The following CEP112 variants were observed in gnomAD, a reference collection of about 807,000 sequenced individuals.
CEP112 encodes centrosomal protein 112.
A neutral mutation model predicts 153.0 loss-of-function variants in CEP112; 127 were observed. The ratio of observed to expected loss-of-function variants is 0.83; its 90% CI spans 0.72 to 0.96. CEP112 has a LOEUF of 0.96. Ranked by LOEUF, CEP112 falls within the 40% of genes least tolerant of loss-of-function variation. CEP112 has a pLI of 0.00. For missense variants in CEP112, 1,089 were observed against 1,101.2 expected, an observed-to-expected ratio of 0.99 and a Z score of 0.16; for synonymous variants, 358 against 374.4, an observed-to-expected ratio of 0.96 and a Z score of 0.51.
intron 23 of CEP112, among the ~76,000 whole-genome samples, chr17:65,699,548 G>A (rs2048519776): frequency 6.6e-6 from 1 of 152,024 alleles, no homozygotes; most frequent in Admixed American, 6.6e-5. Flanking sequence ...CTTTTGCTAA[G>A]TCCCTTCTCA....
intron 16 of CEP112, among the ~76,000 whole-genome samples, chr17:66,024,459 G>A (rs112733498): frequency 6.6e-6 from 1 of 151,966 alleles, no homozygotes; most frequent in African/African-American, 2.4e-5. Context: ...TATTAAAACT[G>A]AATTCAGTAA....
chr17:66,112,913 T>A (rs1424231196), intron 6 of CEP112, among the ~76,000 whole-genome samples: 2 of 151,888 alleles, frequency 1.3e-5, no homozygotes, highest in Non-Finnish European at 2.9e-5. Flanking sequence ...GTCATTGCAC[T>A]CCAGCCTGGG....
At chr17:65,743,328 A>C in intron 22 of CEP112, 111 bp from the exon 23 acceptor site, 1 of 785,670 alleles carries the variant, frequency 1.3e-6, no homozygotes, top group Admixed American at 2.7e-5. Flanking sequence ...TATTCCACAA[A>C]TTAAATATTT....
rs55652336 is a variant in CEP112 at position 65,956,409 on chromosome 17, TACAC to T, written c.1872+5050_1872+5053del. ...ATTATGATATATATACATACATACA[TACAC>T]ACACACACACACACACACACACCAT... On this transcript the variant is annotated intron_variant, in intron 18 of 26. Transcript: ENST00000535342. Among the ~76,000 whole-genome samples, 301 of 146,720 alleles carry T rather than the reference TACAC, an allele frequency of 2.1e-3. 3 individuals carry two copies. Among genetic ancestry groups the T allele is most frequent in the South Asian group, 9.0e-3 (41 of 4,542 alleles).
chr17:65,980,264 A>C (rs2063181574), intron 17 of CEP112, among the ~76,000 whole-genome samples: 1 of 152,230 alleles, frequency 6.6e-6, no homozygotes. Context: ...AAAAAACTTG[A>C]GGATTCAGGC....
At chr17:65,895,434 G>A (rs12940969) in intron 20 of CEP112, among the ~76,000 whole-genome samples, 50,319 of 151,786 alleles carry the variant, frequency 0.33, 10,448 homozygotes, top group Middle Eastern at 0.47. Flanking sequence ...TACTCAAACT[G>A]GATATCAAGC....
chr17:65,944,303 T>C (rs2061586481), intron 18 of CEP112, among the ~76,000 whole-genome samples: 1 of 152,218 alleles, frequency 6.6e-6, no homozygotes, highest in Non-Finnish European at 1.5e-5. Context: ...GTCCTACACA[T>C]GTATCCCAGA....
intron 4 of CEP112, among the ~76,000 whole-genome samples, chr17:66,133,445 T>C (rs1190606124): frequency 4.6e-5 from 7 of 152,208 alleles, no homozygotes; most frequent in Admixed American, 3.9e-4. Flanking sequence ...ACCACAGATA[T>C]ATCAAAATCT....
At chr17:65,914,749 T>C (rs1330293756) in intron 19 of CEP112, among the ~76,000 whole-genome samples, 1 of 152,146 alleles carries the variant, frequency 6.6e-6, no homozygotes, top group African/African-American at 2.4e-5. Flanking sequence ...AAACATGTTT[T>C]TAGCTTATCT....
intron 8 of CEP112, among the ~76,000 whole-genome samples, chr17:66,076,917 G>C (rs956894011): frequency 6.6e-6 from 1 of 152,174 alleles, no homozygotes; most frequent in Non-Finnish European, 1.5e-5. Context: ...CCGGAGCCAG[G>C]TAGACTCGCT....
At chr17:65,953,785 C>T (rs956543727) in intron 18 of CEP112, among the ~76,000 whole-genome samples, 4 of 152,160 alleles carry the variant, frequency 2.6e-5, no homozygotes, top group Non-Finnish European at 4.4e-5. Context: ...TCCCATCCCC[C>T]GCAGCAGTAA....
At chr17:66,098,928 G>C (rs548430719) in intron 6 of CEP112, among the ~76,000 whole-genome samples, 46 of 152,302 alleles carry the variant, frequency 3.0e-4, no homozygotes, top group Non-Finnish European at 5.9e-4. Flanking sequence ...CAGGGTCCTA[G>C]TAGTGGTGGA....
At chr17:65,669,189 A>G (rs1040678759) in intron 24 of CEP112, among the ~76,000 whole-genome samples, 4 of 152,166 alleles carry the variant, frequency 2.6e-5, no homozygotes, top group Admixed American at 6.5e-5. Flanking sequence ...TGGTGTTAAG[A>G]TTAATTCTTT....
intron 21 of CEP112, among the ~76,000 whole-genome samples, chr17:65,779,968 C>T (rs1318127523): frequency 6.6e-6 from 1 of 152,042 alleles, no homozygotes; most frequent in Non-Finnish European, 1.5e-5. Context: ...TCATTAAATA[C>T]TGATGAATCC....
At chr17:65,714,785 T>C (rs975252817) in intron 23 of CEP112, among the ~76,000 whole-genome samples, 1 of 152,080 alleles carries the variant, frequency 6.6e-6, no homozygotes, top group Non-Finnish European at 1.5e-5. Context: ...CAAGAAAATA[T>C]TGGTATATTT....
At chr17:65,969,962 G>A (rs2062599742) in intron 17 of CEP112, among the ~76,000 whole-genome samples, 1 of 152,074 alleles carries the variant, frequency 6.6e-6, no homozygotes, top group African/African-American at 2.4e-5. Flanking sequence ...TATATTAAAT[G>A]TATGTATAAC....
chr17:65,650,542 TCA>T (rs922861299), intron 24 of CEP112, among the ~76,000 whole-genome samples: 1 of 151,980 alleles, frequency 6.6e-6, no homozygotes, highest in Non-Finnish European at 1.5e-5. Context: ...GGCTGTGGCC[TCA>T]CTCACCACTT....
intron 12 of CEP112, among the ~76,000 whole-genome samples, chr17:66,037,588 C>T (rs987692913): frequency 7.9e-6 from 1 of 126,050 alleles, no homozygotes; most frequent in African/African-American, 3.1e-5. Context: ...TCATGACTTC[C>T]ATAGGATGAT....
chr17:65,686,554 GA>G (rs1293453397), intron 24 of CEP112, among the ~76,000 whole-genome samples: 1 of 152,188 alleles, frequency 6.6e-6, no homozygotes, highest in African/African-American at 2.4e-5. Context: ...CTGCCTTTAA[GA>G]AGCTTGTCTC....
Sources: allele counts gnomAD v4.1 joint callset (sites outside exome capture counted in the v4.1 genomes callset), GRCh38; gene constraint gnomAD v4.1.1; transcripts MANE v1.5; gene names NCBI Gene and HGNC (gene_info 2026-07-23, HGNC 2026-07-21).